The following COL22A1 variants were observed in gnomAD, a reference collection of about 807,000 sequenced individuals.
COL22A1 encodes collagen type XXII alpha 1 chain.
In COL22A1, 221 loss-of-function variants were observed where a neutral mutation model predicts 248.9. The observed-to-expected ratio is 0.89, with a 90% CI of 0.80 to 0.99. The LOEUF (loss-of-function observed/expected upper bound fraction) is 0.99. Ranked by LOEUF, COL22A1 falls within the 50% of genes least tolerant of loss-of-function variation. COL22A1 has a pLI of 0.00. For synonymous variants in COL22A1, 891 were observed against 793.4 expected (o/e 1.12, Z -2.07); for missense variants, 2,240 against 2,179.0 (o/e 1.03, Z -0.56).
intron 31 of COL22A1, among the ~76,000 whole-genome samples, chr8:138,700,710 C>A (rs570815378): frequency 6.6e-6 from 1 of 152,324 alleles, no homozygotes; most frequent in East Asian, 1.9e-4. Flanking sequence ...CTAGGTCGGG[C>A]GCGGTGGCTC....
chr8:138,687,057 A>T (rs537310561), intron 37 of COL22A1, among the ~76,000 whole-genome samples: 1 of 152,188 alleles, frequency 6.6e-6, no homozygotes, highest in South Asian at 2.1e-4. Flanking sequence ...CCCAGGTTCA[A>T]GCGATTCTTG....
At chr8:138,656,393 C>T (rs1823266830) in intron 44 of COL22A1, among the ~76,000 whole-genome samples, 1 of 152,234 alleles carries the variant, frequency 6.6e-6, no homozygotes, top group South Asian at 2.1e-4. Context: ...CCAATGTCTT[C>T]AGCTCTCCCA....
chr8:138,889,597 A>T (rs1267393316), intron 1 of COL22A1, among the ~76,000 whole-genome samples: 4 of 152,160 alleles, frequency 2.6e-5, no homozygotes, highest in African/African-American at 7.2e-5. Flanking sequence ...TAGCATTAGG[A>T]GATATACCTA....
At chr8:138,685,822 T>C (rs1029592976) in intron 37 of COL22A1, among the ~76,000 whole-genome samples, 1 of 152,144 alleles carries the variant, frequency 6.6e-6, no homozygotes, top group African/African-American at 2.4e-5. Context: ...TTTTTGGCTG[T>C]TTAGGCCACC....
Position 138,619,501 on chromosome 8 carries a change from G to A in COL22A1, c.3779C>T (p.Ala1260Val), listed in dbSNP as rs1032385709. The A allele has an allele frequency of 1.2e-6, 2 of 1,613,926 alleles. No individual in the cohort carries two copies. Among genetic ancestry groups the A allele is most frequent in the African/African-American group, 2.7e-5 (2 of 74,922 alleles). Residue 1260 changes from alanine to valine, a missense_variant, in exon 53 of 65, where the codon GCA becomes GTA. By Grantham distance (64) the Ala-to-Val change is moderately conservative (BLOSUM62 0). Transcript: ENST00000303045. ...KPGPPGEPGKAGEPGLPGPEG... is the reference protein window; with the variant it reads ...KPGPPGEPGKVGEPGLPGPEG... Reference sequence around the variant, plus strand: ...TGGTCCTGGTAGACCTGGCTCTCCTGCTTTGCCCTGAGAGTAAGGAAGAAA... The same window carrying A: ...TGGTCCTGGTAGACCTGGCTCTCCTACTTTGCCCTGAGAGTAAGGAAGAAA...
rs950840188 is a variant in COL22A1 at position 138,599,013 on chromosome 8, G to A, written c.4186-115C>T. ...TTAGATCACTGAAAGGGAGACCTTG[G>A]CCCTGGGTGGCCCATGTGTGGCTTG... On this transcript the variant is annotated intron_variant, in intron 60 of 64. Transcript: ENST00000303045. 18 of 1,042,160 alleles carry A rather than the reference G, an allele frequency of 1.7e-5. No individual in the cohort carries two copies. The Middle Eastern group carries it at 1.9e-3, about 107-fold the overall frequency. 64.6% of individuals were successfully genotyped at this position (1,042,160 alleles called of 1,614,324 possible).
chr8:138,769,213 C>T (rs1050273484), intron 16 of COL22A1, among the ~76,000 whole-genome samples: 1 of 152,182 alleles, frequency 6.6e-6, no homozygotes, highest in East Asian at 1.9e-4. Flanking sequence ...TGCAGTGATG[C>T]TCATGACATG....
At chr8:138,669,166 C>T (rs187232741) in intron 41 of COL22A1, among the ~76,000 whole-genome samples, 50 of 152,176 alleles carry the variant, frequency 3.3e-4, no homozygotes, top group African/African-American at 1.1e-3. Context: ...GCTGTGGCTG[C>T]GGAGTGGCGA....
At chr8:138,739,883 G>A (rs1449126327) in intron 22 of COL22A1, among the ~76,000 whole-genome samples, 6 of 152,180 alleles carry the variant, frequency 3.9e-5, no homozygotes, top group Non-Finnish European at 7.3e-5. Context: ...AGGCTGGAGG[G>A]TGCGATAATG....
chr8:138,873,527 C>G (rs770564812), intron 3 of COL22A1, among the ~76,000 whole-genome samples: 1 of 152,164 alleles, frequency 6.6e-6, no homozygotes, highest in South Asian at 2.1e-4. Context: ...ACAGACTTTG[C>G]CCTTGCGAAG....
intron 16 of COL22A1, among the ~76,000 whole-genome samples, chr8:138,770,730 C>T (rs531410438): frequency 3.9e-5 from 6 of 152,316 alleles, no homozygotes; most frequent in African/African-American, 1.4e-4. Context: ...ATCACGCAAC[C>T]CAGGCTCTTC....
intron 64 of COL22A1, among the ~76,000 whole-genome samples, chr8:138,589,674 G>A (rs556228006): frequency 2.0e-5 from 3 of 152,298 alleles, no homozygotes; most frequent in South Asian, 2.1e-4. Context: ...ACCTAGGATA[G>A]TAATCCAGGT....
chr8:138,825,753 C>G (rs1819529814), intron 6 of COL22A1: 1 of 152,110 alleles, frequency 6.6e-6, no homozygotes, highest in South Asian at 2.1e-4. Flanking sequence ...TTTTAGCCCC[C>G]AGTGAAAGTT....
At chr8:138,840,055 C>A (rs1389630907) in intron 4 of COL22A1, among the ~76,000 whole-genome samples, 1 of 152,050 alleles carries the variant, frequency 6.6e-6, no homozygotes, top group African/African-American at 2.4e-5. Flanking sequence ...CAGACCCAGC[C>A]CAGATATGCC....
intron 21 of COL22A1, among the ~76,000 whole-genome samples, chr8:138,752,889 C>T (rs771888100): frequency 1.4e-4 from 22 of 152,318 alleles, no homozygotes; most frequent in East Asian, 3.9e-4. Context: ...GGTGCTGCTG[C>T]GGATTCAAAA....
intron 23 of COL22A1, among the ~76,000 whole-genome samples, chr8:138,733,345 G>C (rs1346436708): frequency 6.6e-6 from 1 of 152,208 alleles, no homozygotes; most frequent in Non-Finnish European, 1.5e-5. Flanking sequence ...CATTCTGAAA[G>C]ACAGGCATAA....
chr8:138,821,074 G>C (rs1388298887), intron 7 of COL22A1, 62 bp downstream of exon 7: 1 of 1,566,108 alleles, frequency 6.4e-7, no homozygotes, highest in East Asian at 2.3e-5. Context: ...AGGGCACTTA[G>C]CTCCCAAGGC....
chr8:138,744,886 G>A (rs72729671), intron 22 of COL22A1, among the ~76,000 whole-genome samples: 20,068 of 152,192 alleles, frequency 0.13, 1,562 homozygotes, highest in Non-Finnish European at 0.18. Context: ...GAGCACTGCC[G>A]TCTTTGTAAG....
intron 46 of COL22A1, among the ~76,000 whole-genome samples, chr8:138,648,848 A>G (rs755860657): frequency 6.6e-6 from 1 of 152,094 alleles, no homozygotes; most frequent in Non-Finnish European, 1.5e-5. Flanking sequence ...TAGCACTGTC[A>G]AGACTTCCTA....
Sources: allele counts gnomAD v4.1 joint callset (sites outside exome capture counted in the v4.1 genomes callset), GRCh38; gene constraint gnomAD v4.1.1; transcripts MANE v1.5; gene names NCBI Gene and HGNC (gene_info 2026-07-23, HGNC 2026-07-21).